The following TEKT5 variants were observed in gnomAD, a reference collection of about 807,000 sequenced individuals.
TEKT5 encodes the protein tektin-5.
Under a neutral mutation model 48.7 loss-of-function variants are expected in TEKT5, and 52 were observed. The observed-to-expected ratio is 1.07, with a 90% CI of 0.86 to 1.35. TEKT5 has a LOEUF of 1.35. Ranked by LOEUF, TEKT5 falls within the 40% of genes most tolerant of loss-of-function variation. The pLI, the probability that TEKT5 is intolerant of heterozygous loss-of-function variation, is 0.00. For synonymous variants in TEKT5, 318 were observed against 267.6 expected (o/e 1.19, Z -1.84); for missense variants, 831 against 641.6 (o/e 1.30, Z -3.19).
chr16:10,653,290 C>T (rs1050013639), intron 5 of TEKT5, among the ~76,000 whole-genome samples: 1 of 152,166 alleles, frequency 6.6e-6, no homozygotes, highest in East Asian at 1.9e-4. Context: ...AGGGTGGTGG[C>T]GTAGACGGCT....
intron 5 of TEKT5, among the ~76,000 whole-genome samples, chr16:10,661,400 G>A (rs1196051451): frequency 6.6e-6 from 1 of 152,138 alleles, no homozygotes; most frequent in Non-Finnish European, 1.5e-5. Flanking sequence ...AGAAACCCAG[G>A]CCCCACCCCA....
rs1204472059 is a variant in TEKT5, at chr16:10,676,169, AG to A, written c.875del (p.Pro292LeufsTer58). ...MEKIDGTISV[P>X]ETWAKFSNDN... ...CGTTACTGAACTTGGCCCAGGTCTC[AG>A]GTACGGAGATCCTGCAAAGGCACAA... On this transcript the variant is annotated frameshift_variant, in exon 5 of 7. Transcript: ENST00000283025. LOFTEE classifies it high-confidence loss of function. 1 of 1,614,186 alleles carries A rather than the reference AG, an allele frequency of 6.2e-7. No individual in the cohort carries two copies. Among genetic ancestry groups the A allele is most frequent in the Non-Finnish European group, 8.5e-7 (1 of 1,180,020 alleles).
chr16:10,649,033 T>C, intron 5 of TEKT5, among the ~76,000 whole-genome samples: 1 of 151,952 alleles, frequency 6.6e-6, no homozygotes, highest in East Asian at 1.9e-4. Flanking sequence ...CACTGCAACC[T>C]TAAACTCCCG....
chr16:10,689,893 G>C (rs1898937157), intron 2 of TEKT5, 49 bp downstream of exon 2: 1 of 1,586,076 alleles, frequency 6.3e-7, no homozygotes, highest in Non-Finnish European at 8.6e-7. Context: ...TGACCTGCTG[G>C]CCTTCCCGCC....
rs764199033 is a variant in TEKT5, at chr16:10,676,062, G to A, written c.983C>T (p.Ser328Leu). 11 of 1,614,084 alleles carry A rather than the reference G, an allele frequency of 6.8e-6. No homozygotes were observed. The East Asian group carries it at 8.9e-5, about 13-fold the overall frequency. Residue 328 changes from serine (S) to leucine (L), a missense_variant, in exon 5 of 7, where the codon TCG (serine) becomes TTG (leucine). Coordinates refer to ENST00000283025, the MANE Select transcript of TEKT5 (RefSeq NM_144674.2). Reference sequence around the variant, plus strand: ...TGTGAACTGCCTCCACATCTGATCCGACAAGGTCTCAAAGAGGTGCTCCGC... The same window carrying A: ...TGTGAACTGCCTCCACATCTGATCCAACAAGGTCTCAAAGAGGTGCTCCGC... ...EEAEHLFETL[S>L]DQMWRQFTDT...
chr16:10,632,277 TATTTA>T (rs1897849942), intron 6 of TEKT5, among the ~76,000 whole-genome samples: 1 of 152,218 alleles, frequency 6.6e-6, no homozygotes, highest in African/African-American at 2.4e-5. Context: ...TTTTTAACTT[TATTTA>T]ATTTTCATTA....
At chr16:10,689,130 G>T in intron 3 of TEKT5, 123 bp downstream of exon 3, 1 of 662,754 alleles carries the variant, frequency 1.5e-6, no homozygotes, top group Non-Finnish European at 2.5e-6. Flanking sequence ...ACATTTACCA[G>T]CATACCACTG....
At chr16:10,630,040 T>C (rs1897815315) in intron 6 of TEKT5, among the ~76,000 whole-genome samples, 2 of 151,444 alleles carry the variant, frequency 1.3e-5, no homozygotes, top group South Asian at 4.2e-4. Flanking sequence ...GGCTTAAGCG[T>C]TCCTCCAGCC....
intron 5 of TEKT5, among the ~76,000 whole-genome samples, chr16:10,639,538 G>A (rs909354762): frequency 6.6e-5 from 10 of 152,172 alleles, no homozygotes; most frequent in African/African-American, 2.2e-4. Flanking sequence ...CCCATCAAGT[G>A]TGTGACAAGA....
In TEKT5 at chr16:10,682,008, T is replaced by C. The variant is rs1898762714; in HGVS notation, c.848A>G (p.Glu283Gly). Residue 283 changes from glutamate (E) to glycine (G), a missense_variant, in exon 4 of 7, where the codon GAG becomes GGG. Coordinates refer to ENST00000283025, the MANE Select transcript of TEKT5 (RefSeq NM_144674.2). ...SDCISFFHGM[E>G]KIDGTISVPE... Reference sequence around the variant, plus strand: ...TGATACTTACGTGCCGTCAATTTTCTCCATGCCGTGGAAGAAGCTGATGCA... The same window carrying C: ...TGATACTTACGTGCCGTCAATTTTCCCCATGCCGTGGAAGAAGCTGATGCA... 7 of 1,613,998 alleles carry C rather than the reference T, an allele frequency of 4.3e-6. No individual in the cohort carries two copies. Among genetic ancestry groups the C allele is most frequent in the Admixed American group, 1.7e-5 (1 of 60,018 alleles).
At chr16:10,628,047 T>C (rs530055856) in intron 6 of TEKT5, among the ~76,000 whole-genome samples, 2 of 152,160 alleles carry the variant, frequency 1.3e-5, no homozygotes, top group South Asian at 4.1e-4. Flanking sequence ...GGTTTCACCA[T>C]GCTGGTCAAG....
intron 4 of TEKT5, among the ~76,000 whole-genome samples, chr16:10,680,873 G>C (rs548568412): frequency 4.9e-5 from 5 of 102,586 alleles, no homozygotes; most frequent in African/African-American, 1.4e-4. Flanking sequence ...GTGGGGGGAG[G>C]GGGGAGGGAT....
intron 3 of TEKT5, among the ~76,000 whole-genome samples, chr16:10,683,179 A>T (rs1898787246): frequency 6.6e-6 from 1 of 152,074 alleles, no homozygotes; most frequent in South Asian, 2.1e-4. Flanking sequence ...ATAGGAGTAG[A>T]CCTTATGGGG....
intron 5 of TEKT5, among the ~76,000 whole-genome samples, chr16:10,636,690 C>CGT (rs34623422): frequency 0.41 from 59,430 of 145,054 alleles, 12,620 homozygotes; most frequent in Admixed American, 0.5. Context: ...TACATACATA[C>CGT]GTGTGTGTGT....
intron 1 of TEKT5, 160 bp from the exon 2 acceptor site, chr16:10,690,185 C>T (rs1898943383): frequency 4.6e-6 from 3 of 657,574 alleles, no homozygotes; most frequent in Non-Finnish European, 7.7e-6. Flanking sequence ...GCTTCTGCCT[C>T]CCCTTCTCCC....
rs1477754214 is a variant in TEKT5, at chr16:10,676,072, C to G, written c.973G>C (p.Glu325Gln). 2 of 1,614,254 alleles carry G rather than the reference C, an allele frequency of 1.2e-6. No individual in the cohort carries two copies. Among genetic ancestry groups the G allele is most frequent in the South Asian group, 2.2e-5 (2 of 91,086 alleles). Residue 325 changes from glutamate to glutamine, a missense_variant, in exon 5 of 7, where the codon GAG (glutamate) becomes CAG (glutamine). Glu to Gln is a conservative substitution (Grantham distance 29, BLOSUM62 2). Coordinates refer to ENST00000283025, the MANE Select transcript of TEKT5 (RefSeq NM_144674.2). ...QLREEAEHLF[E>Q]TLSDQMWRQF... is the part of the protein sequence containing the mutation. ...CTCCACATCTGATCCGACAAGGTCT[C>G]AAAGAGGTGCTCCGCCTCCTCCCGC... is the stretch of plus-strand genomic sequence containing the variant.
chr16:10,677,467 G>C (rs530505867), intron 4 of TEKT5, among the ~76,000 whole-genome samples: 1 of 146,106 alleles, frequency 6.8e-6, no homozygotes, highest in Non-Finnish European at 1.5e-5. Context: ...AAAATTAGCC[G>C]GGTGTGGTGG....
At chr16:10,677,412 C>A (rs772885816) in intron 4 of TEKT5, among the ~76,000 whole-genome samples, 10 of 147,054 alleles carry the variant, frequency 6.8e-5, no homozygotes, top group Non-Finnish European at 1.3e-4. Context: ...GAATTTGAGA[C>A]CAGCCTGGCC....
chr16:10,630,341 T>G (rs539642373), intron 6 of TEKT5, among the ~76,000 whole-genome samples: 2 of 151,924 alleles, frequency 1.3e-5, no homozygotes, highest in Admixed American at 6.6e-5. Context: ...GTTCAAGAGA[T>G]CCTCCTGTCT....
Sources: gnomAD v4.1 joint callset for allele counts (sites outside exome capture counted in the v4.1 genomes callset) on GRCh38, gnomAD v4.1.1 for gene constraint, MANE v1.5 for transcripts, NCBI Gene and HGNC (gene_info 2026-07-23, HGNC 2026-07-21) for gene names.